The following NRG1 variants were observed in gnomAD, a reference collection of about 807,000 sequenced individuals.
NRG1 encodes the protein pro-neuregulin-1, membrane-bound isoform.
A neutral mutation model predicts 63.8 loss-of-function variants in NRG1; 18 were observed. The observed-to-expected ratio is 0.28, with a 90% CI of 0.19 to 0.42. The LOEUF (loss-of-function observed/expected upper bound fraction) is 0.42. Among genes scored for constraint, NRG1 ranks in the 10% least tolerant of loss-of-function variants. The pLI is 1.00. For missense variants in NRG1, 762 were observed against 814.7 expected (o/e 0.94, Z 0.79); for synonymous variants, 302 against 301.3 (o/e 1.00, Z -0.02).
chr8:31,678,740 A>G (rs1808000360), intron 1 of NRG1, among the ~76,000 whole-genome samples: 1 of 148,154 alleles, frequency 6.7e-6, no homozygotes, highest in Non-Finnish European at 1.5e-5. Flanking sequence ...TTATATTATT[A>G]AATTTATTTT....
At chr8:31,920,969 A>C (rs1833863046) in intron 1 of NRG1, among the ~76,000 whole-genome samples, 1 of 152,132 alleles carries the variant, frequency 6.6e-6, no homozygotes, top group Non-Finnish European at 1.5e-5. Context: ...AATATTTCAA[A>C]AGCTTCTATT....
chr8:32,434,355 T>C (rs1316409659), intron 1 of NRG1, among the ~76,000 whole-genome samples: 1 of 152,168 alleles, frequency 6.6e-6, no homozygotes, highest in Non-Finnish European at 1.5e-5. Flanking sequence ...TTGTTCTGCC[T>C]TTTAATACTA....
chr8:32,275,011 C>T (rs574624285), intron 1 of NRG1, among the ~76,000 whole-genome samples: 1 of 152,162 alleles, frequency 6.6e-6, no homozygotes, highest in Admixed American at 6.5e-5. Flanking sequence ...TTGGTCTGGG[C>T]GTATCCTGTG....
intron 5 of NRG1, among the ~76,000 whole-genome samples, chr8:32,714,386 T>A (rs1386839133): frequency 6.6e-6 from 1 of 152,246 alleles, no homozygotes; most frequent in African/African-American, 2.4e-5. Flanking sequence ...AGAATGATGA[T>A]GTGTTTTAAT....
At chr8:32,115,909 G>T (rs1321074512) in intron 1 of NRG1, among the ~76,000 whole-genome samples, 1 of 152,224 alleles carries the variant, frequency 6.6e-6, no homozygotes, top group Middle Eastern at 3.4e-3. Flanking sequence ...CAGAGGGTTT[G>T]CATTCTAATT....
chr8:32,473,009 G>A (rs989511077), intron 1 of NRG1, among the ~76,000 whole-genome samples: 1 of 152,202 alleles, frequency 6.6e-6, no homozygotes, highest in Non-Finnish European at 1.5e-5. Context: ...CAAATGGGTA[G>A]GGGAATTTAG....
At chr8:31,856,626 C>G (rs544047780) in intron 1 of NRG1, among the ~76,000 whole-genome samples, 1 of 152,322 alleles carries the variant, frequency 6.6e-6, no homozygotes, top group Admixed American at 6.5e-5. Context: ...CAAAGTCATT[C>G]TCCATCCAGC....
At chr8:32,383,821 C>G (rs1810655483) in intron 1 of NRG1, among the ~76,000 whole-genome samples, 3 of 152,198 alleles carry the variant, frequency 2.0e-5, no homozygotes, top group Admixed American at 1.3e-4. Flanking sequence ...CAGCTATTTG[C>G]CAATTAGATG....
At chr8:32,141,592 G>A (rs1585609083) in intron 1 of NRG1, among the ~76,000 whole-genome samples, 2 of 71,780 alleles carry the variant, frequency 2.8e-5, no homozygotes, top group African/African-American at 4.9e-5. Context: ...ATGTGTGTGG[G>A]TATATATATA....
chr8:32,122,145 A>G (rs972106407), intron 1 of NRG1, among the ~76,000 whole-genome samples: 1 of 152,042 alleles, frequency 6.6e-6, no homozygotes, highest in African/African-American at 2.4e-5. Flanking sequence ...GCATGTGGAA[A>G]TAAATTTCAA....
chr8:31,674,556 TA>T (rs1466207062), intron 1 of NRG1, among the ~76,000 whole-genome samples: 1 of 37,116 alleles, frequency 2.7e-5, no homozygotes, highest in Non-Finnish European at 8.5e-5. Context: ...TGCATCTGGG[TA>T]CTTTTTTTTT....
intron 5 of NRG1, among the ~76,000 whole-genome samples, chr8:32,646,216 G>C (rs1853499220): frequency 6.6e-6 from 1 of 152,086 alleles, no homozygotes; most frequent in Non-Finnish European, 1.5e-5. Context: ...GGGATATATG[G>C]GCTGCCAACC....
At chr8:32,493,056 A>T (rs1472976041) in intron 1 of NRG1, among the ~76,000 whole-genome samples, 3 of 152,188 alleles carry the variant, frequency 2.0e-5, no homozygotes, top group Admixed American at 6.5e-5. Flanking sequence ...CTTTAAAAAC[A>T]AACCCTACTG....
intron 1 of NRG1, among the ~76,000 whole-genome samples, chr8:31,954,569 G>A (rs1804052757): frequency 6.6e-6 from 1 of 152,104 alleles, no homozygotes. Flanking sequence ...CCCTTGTTAT[G>A]TGGGTAACTG....
chr8:31,684,176 G>A (rs1054663866), intron 1 of NRG1, among the ~76,000 whole-genome samples: 27 of 152,090 alleles, frequency 1.8e-4, no homozygotes, highest in African/African-American at 6.0e-4. Context: ...AGAAACTCTG[G>A]GAGAGGGACT....
chr8:32,274,347 AG>A (rs1479929108), intron 1 of NRG1, among the ~76,000 whole-genome samples: 3 of 152,310 alleles, frequency 2.0e-5, no homozygotes, highest in East Asian at 3.9e-4. Context: ...TTGTGTGAAA[AG>A]GTTTCATTAA....
chr8:32,024,477 G>A (rs1816935299), intron 1 of NRG1, among the ~76,000 whole-genome samples: 1 of 152,298 alleles, frequency 6.6e-6, no homozygotes, highest in Non-Finnish European at 1.5e-5. Flanking sequence ...CTGGCATGGA[G>A]TTATCGTGAG....
intron 1 of NRG1, among the ~76,000 whole-genome samples, chr8:32,395,689 C>T (rs541322974): frequency 6.6e-6 from 1 of 151,764 alleles, no homozygotes; most frequent in African/African-American, 2.4e-5. Context: ...CTGTTTCTTA[C>T]CTTTACATTC....
chr8:31,678,490 T>C (rs1200006787), intron 1 of NRG1, among the ~76,000 whole-genome samples: 1 of 152,062 alleles, frequency 6.6e-6, no homozygotes, highest in Non-Finnish European at 1.5e-5. Context: ...TTAATGTTTT[T>C]AGATGTGCTT....
Sources: allele counts gnomAD v4.1 joint callset (sites outside exome capture counted in the v4.1 genomes callset), GRCh38; gene constraint gnomAD v4.1.1; transcripts MANE v1.5; gene names NCBI Gene and HGNC (gene_info 2026-07-23, HGNC 2026-07-21).